ARHGAP20: variants seen among roughly 807,000 people sequenced by gnomAD.
The protein encoded by ARHGAP20 is Rho GTPase activating protein 20, also known as rho GTPase-activating protein 20.
A neutral mutation model predicts 73.7 loss-of-function variants in ARHGAP20; 34 were observed. The ratio of observed to expected loss-of-function variants is 0.46; its 90% CI spans 0.35 to 0.61. The LOEUF (loss-of-function observed/expected upper bound fraction) is 0.61, where lower values mean the gene tolerates loss of function less well. Among genes scored for constraint, ARHGAP20 ranks in the 20% least tolerant of loss-of-function variants. The pLI is 0.00. For missense variants in ARHGAP20, 1,314 were observed against 1,420.9 expected (o/e 0.92, Z 1.21); for synonymous variants, 523 against 518.2 (o/e 1.01, Z -0.13).
At position 110,578,569 on chromosome 11, in the gene ARHGAP20, G is replaced by A. The variant is rs1591286855; in HGVS notation, c.*801C>T. 21 of 985,416 alleles carry A rather than the reference G, an allele frequency of 2.1e-5. No individual in the cohort carries two copies. The highest frequency in any genetic ancestry group is 2.5e-5 in the Non-Finnish European group (21 of 829,926). The allele number at this position is 985,416 out of a possible 1,614,324, so 61.0% of individuals were successfully genotyped here. A position where few individuals can be genotyped will look rare whatever the true frequency, so the allele number is the denominator to read the frequency against. ...GGTCACCTTCTAAATAGAAGAAGTT[G>A]CATTTCTGAAGAATGTTCCTAGGCA... On this transcript the variant is annotated 3_prime_UTR_variant, in exon 15 of 15. Coordinates refer to ENST00000683387, the MANE Select transcript of ARHGAP20 (RefSeq NM_001384657.1).
At chr11:110,696,249 G>T (rs1030772795) in intron 1 of ARHGAP20, among the ~76,000 whole-genome samples, 10 of 151,524 alleles carry the variant, frequency 6.6e-5, no homozygotes, top group African/African-American at 1.2e-4. Context: ...CTGTGGTGAT[G>T]AATGTACAAT....
At chr11:110,619,733 A>T (rs1362153372) in intron 4 of ARHGAP20, among the ~76,000 whole-genome samples, 2 of 151,484 alleles carry the variant, frequency 1.3e-5, no homozygotes, top group Non-Finnish European at 2.9e-5. Context: ...GTAGTGATAG[A>T]GTATATGTAG....
chr11:110,608,890 T>C lies in ARHGAP20; in HGVS notation c.775+94A>G, dbSNP rs958204056. 2.7e-5 allele frequency: 28 copies of C among 1,022,974 alleles called. No individual in the cohort carries two copies. In the Admixed American group the frequency reaches 5.9e-4, roughly 22 times the overall value. 63.4% of individuals were successfully genotyped at this position (1,022,974 alleles called of 1,614,324 possible). A position where few individuals can be genotyped will look rare whatever the true frequency, so the allele number is the denominator to read the frequency against. ...CCATGAAATTTCATATTTAATAGTATTTAAGCTTAGGACCATATGACCAAT... is the reference window on the plus strand; with the variant it reads ...CCATGAAATTTCATATTTAATAGTACTTAAGCTTAGGACCATATGACCAAT... On this transcript the variant is annotated intron_variant, in intron 8 of 14. Transcript: ENST00000683387.
intron 1 of ARHGAP20, among the ~76,000 whole-genome samples, chr11:110,705,736 G>C (rs1021545679): frequency 3.9e-5 from 6 of 152,288 alleles, no homozygotes; most frequent in South Asian, 4.1e-4. Context: ...ACTGAGTTGA[G>C]AGAGTTTCAA....
rs370278978 is a variant in ARHGAP20 at position 110,585,852 on chromosome 11, GAGA to G, written c.1415+361_1415+363del. On this transcript the variant is annotated intron_variant, in intron 12 of 14. Coordinates refer to ENST00000683387, the MANE Select transcript of ARHGAP20 (RefSeq NM_001384657.1). ...TCTACCTTACCAGACTGAGTTCCAT[GAGA>G]AGACAGAATAAGTCATTTTCTCTGT... Among the ~76,000 whole-genome samples, 77 of 152,262 alleles carry G rather than the reference GAGA, an allele frequency of 5.1e-4. 1 individual carries two copies. Among genetic ancestry groups the G allele is most frequent in the African/African-American group, 1.8e-3 (74 of 41,550 alleles).
intron 2 of ARHGAP20, among the ~76,000 whole-genome samples, chr11:110,688,369 GGGGAAGATGAC>G (rs1411984950): frequency 6.6e-6 from 1 of 151,888 alleles, no homozygotes; most frequent in Non-Finnish European, 1.5e-5. Flanking sequence ...GAGTAGATTG[GGGGAAGATGAC>G]TGCTGGTTCC....
intron 1 of ARHGAP20, among the ~76,000 whole-genome samples, chr11:110,697,021 C>T (rs932354487): frequency 6.6e-6 from 1 of 151,588 alleles, no homozygotes. Context: ...GTGAGTAGTG[C>T]TATGATGAAC....
Position 110,579,790 on chromosome 11 carries a change from CTTTT to C in ARHGAP20, c.3152_3155del (p.Lys1051ArgfsTer13), listed in dbSNP as rs1468469718. The C allele has an allele frequency of 1.4e-5, 22 of 1,613,972 alleles. No homozygotes were observed. Among genetic ancestry groups the C allele is most frequent in the Non-Finnish European group, 1.8e-5 (21 of 1,180,032 alleles). On this transcript the variant is annotated frameshift_variant, in exon 15 of 15. Coordinates refer to ENST00000683387, the MANE Select transcript of ARHGAP20 (RefSeq NM_001384657.1). LOFTEE classifies it low-confidence loss of function (END_TRUNC). ...CCTCTGGTCTGGCTGCCTTTGCTTT[CTTTT>C]TGAGGGACCAGTTTTTCAAACTGGC... is the stretch of plus-strand genomic sequence containing the variant.
intron 1 of ARHGAP20, among the ~76,000 whole-genome samples, chr11:110,698,796 A>G (rs1224490297): frequency 6.6e-6 from 1 of 151,694 alleles, no homozygotes; most frequent in Non-Finnish European, 1.5e-5. Context: ...TACTTATTTG[A>G]ATTTTCTCTT....
intron 1 of ARHGAP20, among the ~76,000 whole-genome samples, chr11:110,700,085 C>T (rs1454011476): frequency 6.6e-6 from 1 of 151,924 alleles, no homozygotes; most frequent in East Asian, 1.9e-4. Flanking sequence ...TTTTTGGAAC[C>T]TCTAAATCAC....
chr11:110,697,138 A>G (rs981515349), intron 1 of ARHGAP20, among the ~76,000 whole-genome samples: 1 of 151,526 alleles, frequency 6.6e-6, no homozygotes, highest in East Asian at 1.9e-4. Flanking sequence ...AATGGTATTT[A>G]TATTTTTAGT....
intron 2 of ARHGAP20, among the ~76,000 whole-genome samples, chr11:110,650,242 C>G (rs1031096926): frequency 6.6e-6 from 1 of 152,114 alleles, no homozygotes; most frequent in Non-Finnish European, 1.5e-5. Flanking sequence ...GGATGCAAAT[C>G]TTATTTCTGA....
At chr11:110,595,272 T>G (rs1258463192) in intron 9 of ARHGAP20, among the ~76,000 whole-genome samples, 1 of 152,102 alleles carries the variant, frequency 6.6e-6, no homozygotes, top group African/African-American at 2.4e-5. Context: ...CTATTCAACA[T>G]AGTTTGGAAG....
intron 2 of ARHGAP20, among the ~76,000 whole-genome samples, chr11:110,653,379 A>G (rs979098738): frequency 2.0e-5 from 3 of 152,208 alleles, no homozygotes; most frequent in Non-Finnish European, 4.4e-5. Context: ...ATTTACAAGA[A>G]AATAAAACAA....
At chr11:110,602,296 C>T (rs1948131077) in intron 9 of ARHGAP20, among the ~76,000 whole-genome samples, 1 of 151,788 alleles carries the variant, frequency 6.6e-6, no homozygotes, top group South Asian at 2.1e-4. Flanking sequence ...ATTTTTAAGG[C>T]AAAGTGAAAT....
At chr11:110,689,747 A>C (rs907360559) in intron 2 of ARHGAP20, among the ~76,000 whole-genome samples, 7 of 147,656 alleles carry the variant, frequency 4.7e-5, no homozygotes, top group Non-Finnish European at 8.8e-5. Context: ...CACCGGGGAA[A>C]GGCGGTCTCA....
rs1947836025 is a variant in ARHGAP20, at chr11:110,591,853, T to C, written c.1143+124A>G. The C allele has an allele frequency of 2.0e-5, 20 of 996,800 alleles. No homozygotes were observed. In the South Asian group the frequency reaches 3.3e-4, roughly 16 times the overall value. The allele number at this position is 996,800 out of a possible 1,614,324, so 61.7% of individuals were successfully genotyped here. ...ATTTTGTTATTTGGAGGAATAATAG[T>C]GAAGATTCTTAGCCAAAGACAGTGG... is the stretch of plus-strand genomic sequence containing the variant. On this transcript the variant is annotated intron_variant, in intron 10 of 14. Coordinates refer to ENST00000683387, the MANE Select transcript of ARHGAP20 (RefSeq NM_001384657.1).
chr11:110,656,465 C>A (rs1949468637), intron 2 of ARHGAP20, among the ~76,000 whole-genome samples: 1 of 152,112 alleles, frequency 6.6e-6, no homozygotes, highest in African/African-American at 2.4e-5. Context: ...GGCTTTTCTG[C>A]CTCTCCCATA....
At chr11:110,704,320 T>TA (rs1183075410) in intron 1 of ARHGAP20, among the ~76,000 whole-genome samples, 4 of 152,296 alleles carry the variant, frequency 2.6e-5, no homozygotes, top group Admixed American at 2.6e-4. Flanking sequence ...AGATCTTTGA[T>TA]ATGTGAGCTG....
Sources: gnomAD v4.1 joint callset for allele counts (sites outside exome capture counted in the v4.1 genomes callset) on GRCh38, gnomAD v4.1.1 for gene constraint, MANE v1.5 for transcripts, NCBI Gene and HGNC (gene_info 2026-07-23, HGNC 2026-07-21) for gene names.